PCMT1: variants seen among roughly 807,000 people sequenced by gnomAD.
PCMT1 encodes protein-L-isoaspartate(D-aspartate) O-methyltransferase.
In PCMT1, 9 loss-of-function variants were observed where a neutral mutation model predicts 29.2. The ratio of observed to expected loss-of-function variants is 0.31; its 90% CI spans 0.19 to 0.54. PCMT1 has a LOEUF of 0.54. PCMT1 is among the 20% of genes least tolerant of loss of function. PCMT1 has a pLI of 0.95. For missense variants in PCMT1, 184 were observed against 282.2 expected (o/e 0.65, Z 2.49); for synonymous variants, 98 against 97.5 (o/e 1.00, Z -0.03).
chr6:149,810,721 T>C lies in PCMT1; in HGVS notation c.*143T>C. On this transcript the variant is annotated 3_prime_UTR_variant, in exon 8 of 8. Coordinates refer to ENST00000464889, the MANE Select transcript of PCMT1 (RefSeq NM_001360452.2). ...AAAACCAACACCATCACAGCTTGTTTTGGACTTTGTTACACTGTTATTTTC... is the reference window on the plus strand; with the variant it reads ...AAAACCAACACCATCACAGCTTGTTCTGGACTTTGTTACACTGTTATTTTC... 2.1e-6 allele frequency: 2 copies of C among 943,818 alleles called. No homozygotes were observed. The highest frequency in any genetic ancestry group is 3.3e-6 in the Non-Finnish European group (2 of 603,442). 58.5% of individuals were successfully genotyped at this position (943,818 alleles called of 1,614,324 possible).
rs551417571 is a variant in PCMT1 at position 149,794,595 on chromosome 6, C to T, written c.418+926C>T. Among the ~76,000 whole-genome samples the T allele has an allele frequency of 9.2e-5, 14 of 152,200 alleles. No homozygotes were observed. In the South Asian group the frequency reaches 1.5e-3, roughly 16 times the overall value. ...ATCGCACCACTGAACTACAGTCTGGCGACAGAGCTAGAGTCCGTCTCAAAA... is the reference window on the plus strand; with the variant it reads ...ATCGCACCACTGAACTACAGTCTGGTGACAGAGCTAGAGTCCGTCTCAAAA... On this transcript the variant is annotated intron_variant, in intron 5 of 7. Transcript: ENST00000464889.
chr6:149,791,133 G>A (rs1335692228), intron 4 of PCMT1, among the ~76,000 whole-genome samples: 1 of 152,062 alleles, frequency 6.6e-6, no homozygotes, highest in East Asian at 1.9e-4. Flanking sequence ...CATGTCTGAG[G>A]GTCCCAGGGA....
intron 6 of PCMT1, 164 bp downstream of exon 6, chr6:149,796,664 A>T (rs755020046): frequency 1.3e-4 from 69 of 517,782 alleles, no homozygotes; most frequent in Non-Finnish European, 2.2e-4. Flanking sequence ...TATGCAAACA[A>T]TTGTATAAAT....
At chr6:149,786,685 G>T (rs1788107314) in intron 3 of PCMT1, among the ~76,000 whole-genome samples, 1 of 151,716 alleles carries the variant, frequency 6.6e-6, no homozygotes, top group African/African-American at 2.4e-5. Context: ...CGGGGTCGCG[G>T]CCGGGCAGAG....
intron 1 of PCMT1, among the ~76,000 whole-genome samples, chr6:149,765,209 A>T (rs1157792815): frequency 1.4e-5 from 2 of 146,660 alleles, no homozygotes; most frequent in East Asian, 4.0e-4. Context: ...AAATACAGAA[A>T]ATTAGCCGGG....
At chr6:149,762,548 G>GATATATATATATATCTATGAT (rs71010873) in intron 1 of PCMT1, among the ~76,000 whole-genome samples, 1 of 8,076 alleles carries the variant, frequency 1.2e-4, no homozygotes, top group East Asian at 0.014. Context: ...ATATATCTAT[G>GATATATATATATATCTATGAT]ATATATATAT....
intron 5 of PCMT1, 118 bp downstream of exon 5, chr6:149,793,787 G>A (rs753827905): frequency 9.2e-6 from 8 of 865,936 alleles, no homozygotes; most frequent in Non-Finnish European, 1.3e-5. Flanking sequence ...TCACTTTTAA[G>A]TACTAAAAAA....
intron 2 of PCMT1, chr6:149,772,045 C>G (rs1787350524): frequency 2.2e-6 from 1 of 456,786 alleles, no homozygotes; most frequent in African/African-American, 2.0e-5. Context: ...TCTCCTGAAG[C>G]AGGTTTTGCT....
intron 3 of PCMT1, among the ~76,000 whole-genome samples, chr6:149,777,767 C>A (rs986901182): frequency 6.6e-6 from 1 of 151,620 alleles, no homozygotes; most frequent in Non-Finnish European, 1.5e-5. Context: ...GTTATCAATT[C>A]CTTCCTTTCT....
intron 1 of PCMT1, among the ~76,000 whole-genome samples, chr6:149,770,854 C>CCTG (rs10677539): frequency 6.7e-6 from 1 of 149,926 alleles, no homozygotes; most frequent in African/African-American, 2.5e-5. Context: ...AAAAAATTAG[C>CCTG]CAGGCGTGGT....
intron 6 of PCMT1, chr6:149,796,962 C>T (rs564372968): frequency 3.6e-4 from 55 of 152,528 alleles, no homozygotes; most frequent in Non-Finnish European, 6.6e-4. Context: ...AACAGGCGCC[C>T]GCCACCACGC....
chr6:149,787,352 T>C (rs909134094), intron 3 of PCMT1, among the ~76,000 whole-genome samples: 1 of 150,322 alleles, frequency 6.7e-6, no homozygotes, highest in Non-Finnish European at 1.5e-5. Flanking sequence ...GCTGTTTTCA[T>C]TGATAAAATA....
At chr6:149,803,615 C>T (rs1583060746) in intron 7 of PCMT1, among the ~76,000 whole-genome samples, 2 of 152,072 alleles carry the variant, frequency 1.3e-5, no homozygotes, top group Non-Finnish European at 2.9e-5. Context: ...AAAACAAGAA[C>T]GGCTTTACAG....
intron 1 of PCMT1, among the ~76,000 whole-genome samples, chr6:149,761,257 ATGTG>A (rs75507681): frequency 0.44 from 65,245 of 146,954 alleles, 15,018 homozygotes; most frequent in East Asian, 0.81. Flanking sequence ...TGTAAGGGTG[ATGTG>A]TGTGTGTGTG....
At chr6:149,787,230 A>G (rs1238633560) in intron 3 of PCMT1, among the ~76,000 whole-genome samples, 2 of 143,042 alleles carry the variant, frequency 1.4e-5, no homozygotes, top group Admixed American at 7.3e-5. Context: ...TGGCGGCAGT[A>G]CAGTCCAGCT....
intron 3 of PCMT1, among the ~76,000 whole-genome samples, chr6:149,779,372 C>T (rs975773978): frequency 6.6e-6 from 1 of 152,162 alleles, no homozygotes; most frequent in African/African-American, 2.4e-5. Flanking sequence ...TGATTGATCC[C>T]TTTGTTCAGG....
chr6:149,788,518 C>A (rs1054511719), intron 3 of PCMT1, among the ~76,000 whole-genome samples: 1 of 152,108 alleles, frequency 6.6e-6, no homozygotes, highest in Non-Finnish European at 1.5e-5. Flanking sequence ...TAATGTCCCT[C>A]AATTTGGGTT....
chr6:149,779,155 C>T (rs1301601633), intron 3 of PCMT1, among the ~76,000 whole-genome samples: 4 of 152,144 alleles, frequency 2.6e-5, no homozygotes, highest in African/African-American at 7.2e-5. Flanking sequence ...TTCCTTGAGG[C>T]ACAGCGAGTT....
intron 3 of PCMT1, among the ~76,000 whole-genome samples, chr6:149,789,334 C>A (rs571593763): frequency 2.0e-5 from 3 of 152,082 alleles, no homozygotes; most frequent in African/African-American, 7.2e-5. Context: ...CCTCAGCCTC[C>A]CAAAGTGCTG....
Sources: gnomAD v4.1 joint callset for allele counts (sites outside exome capture counted in the v4.1 genomes callset) on GRCh38, gnomAD v4.1.1 for gene constraint, MANE v1.5 for transcripts, NCBI Gene and HGNC (gene_info 2026-07-23, HGNC 2026-07-21) for gene names.